Variants in SLC36A2 observed in about 807,000 individuals in gnomAD.
SLC36A2 encodes the protein solute carrier family 36 member 2.
A neutral mutation model predicts 42.7 loss-of-function variants in SLC36A2; 39 were observed. That is an observed-to-expected ratio of 0.91 (90% CI 0.71 to 1.19). The LOEUF (loss-of-function observed/expected upper bound fraction) is 1.19. SLC36A2 is among the 50% of genes most tolerant of loss of function. The probability of loss-of-function intolerance (pLI) is 0.00; values close to 1 mark genes in which losing one functional copy is unlikely to be tolerated. For synonymous variants in SLC36A2, 237 were observed against 240.8 expected (o/e 0.98, Z 0.15); for missense variants, 590 against 613.7 (o/e 0.96, Z 0.41).
intron 9 of SLC36A2, among the ~76,000 whole-genome samples, chr5:151,321,426 C>T (rs557283032): frequency 5.9e-5 from 9 of 151,278 alleles, no homozygotes; most frequent in African/African-American, 9.7e-5. Flanking sequence ...TCAAGCAATC[C>T]GCCTGCCTTG....
At chr5:151,347,225 A>G (rs1756520290) in intron 1 of SLC36A2, 72 bp downstream of exon 1, 1 of 1,580,280 alleles carries the variant, frequency 6.3e-7, no homozygotes, top group African/African-American at 1.3e-5. Flanking sequence ...AGACACACCC[A>G]CCTCAGGGTT....
At chr5:151,325,512 C>T in intron 7 of SLC36A2, 60 bp from the exon 8 acceptor site, 1 of 1,557,464 alleles carries the variant, frequency 6.4e-7, no homozygotes, top group Non-Finnish European at 8.8e-7. Flanking sequence ...AGAAAAATGG[C>T]ATTCCACTTC....
At chr5:151,334,693 A>G (rs1756096536) in intron 6 of SLC36A2, among the ~76,000 whole-genome samples, 1 of 152,230 alleles carries the variant, frequency 6.6e-6, no homozygotes, top group Admixed American at 6.5e-5. Flanking sequence ...TCTGTCTCAA[A>G]TAAATTAATA....
chr5:151,342,953 G>A lies in SLC36A2; in HGVS notation c.375C>T (p.Asp125=), dbSNP rs1398618573. The A allele has an allele frequency of 6.2e-7, 1 of 1,614,068 alleles. No homozygotes were observed. The highest frequency in any genetic ancestry group is 1.1e-5 in the South Asian group (1 of 91,080). Residue 125 remains aspartate, a synonymous_variant, in exon 4 of 10, where the codon GAC becomes GAT. Transcript: ENST00000335244. ...TGGCTTCTAGTCCATGCATCACCGT[G>A]TCCCCATAGTCCATAAAGGGCTTGT... ...RLNKPFMDYG[D]TVMHGLEANP... is the part of the protein sequence containing the mutation.
Position 151,322,184 on chromosome 5 carries a change from C to CA in SLC36A2, c.1041dup (p.Ala348CysfsTer177), listed in dbSNP as rs867068485. On this transcript the variant is annotated frameshift_variant, in exon 9 of 10. Transcript: ENST00000335244. LOFTEE classifies it high-confidence loss of function. Reference sequence around the variant, plus strand: ...AGGGCATAGGTGCACAGGATGCCGGCAATGTAGAGAAGCTTGACAGACTGG... The same window carrying CA: ...AGGGCATAGGTGCACAGGATGCCGGCAAATGTAGAGAAGCTTGACAGACTGG... 3 of 1,613,994 alleles carry CA rather than the reference C, an allele frequency of 1.9e-6. No individual in the cohort carries two copies. The highest frequency in any genetic ancestry group is 2.5e-6 in the Non-Finnish European group (3 of 1,180,004).
intron 9 of SLC36A2, chr5:151,319,062 C>A (rs938133721): frequency 2.9e-6 from 2 of 701,458 alleles, no homozygotes; most frequent in African/African-American, 3.9e-5. Context: ...CTTGTTTCCT[C>A]AGCTGCAAAA....
chr5:151,324,091 G>A (rs1034079060), intron 8 of SLC36A2, among the ~76,000 whole-genome samples: 1 of 152,192 alleles, frequency 6.6e-6, no homozygotes, highest in African/African-American at 2.4e-5. Flanking sequence ...CATGAATTGA[G>A]TATGCTAGAA....
intron 9 of SLC36A2, chr5:151,319,220 A>G (rs1487173373): frequency 4.6e-6 from 3 of 657,694 alleles, no homozygotes; most frequent in African/African-American, 2.0e-5. Flanking sequence ...CTAATTGACA[A>G]TGCATGAAGA....
chr5:151,319,056 T>C (rs1480408896), intron 9 of SLC36A2: 1 of 645,568 alleles, frequency 1.5e-6, no homozygotes, highest in East Asian at 1.4e-4. Flanking sequence ...CCTCAGCTTG[T>C]TTCCTCAGCT....
chr5:151,333,287 T>G lies in SLC36A2; in HGVS notation c.780A>C (p.Ala260=). ...IPDPSRLPLV[A]SWKTYPLFFG... ...AGAAGAGAGGGTAGGTCTTCCAGCT[T>G]GCTACCAGTGGCAACCGGCTGGGGT... Residue 260 remains alanine (A), a synonymous_variant, in exon 7 of 10, where the codon GCA becomes GCC. Transcript: ENST00000335244. The G allele has an allele frequency of 1.2e-6, 2 of 1,614,096 alleles. No homozygotes were observed. The highest frequency in any genetic ancestry group is 1.7e-6 in the Non-Finnish European group (2 of 1,179,960).
At chr5:151,340,123 GAGA>G (rs1388377857) in intron 4 of SLC36A2, among the ~76,000 whole-genome samples, 1 of 135,492 alleles carries the variant, frequency 7.4e-6, no homozygotes, top group Non-Finnish European at 1.5e-5. Context: ...AGAAGAGGAG[GAGA>G]AGGAGGAGGA....
Position 151,316,683 on chromosome 5 carries a change from T to G in SLC36A2, c.*134A>C, listed in dbSNP as rs1473701588. On this transcript the variant is annotated 3_prime_UTR_variant, in exon 10 of 10. Coordinates refer to ENST00000335244, the MANE Select transcript of SLC36A2 (RefSeq NM_181776.3). Reference sequence around the variant, plus strand: ...TGAACCCAGGAGGCCGAAGTTGTGGTGAGCTGAGATCGCATCATTGTACTC... The same window carrying G: ...TGAACCCAGGAGGCCGAAGTTGTGGGGAGCTGAGATCGCATCATTGTACTC... The G allele has an allele frequency of 3.5e-6, 4 of 1,134,274 alleles. No homozygotes were observed. Among genetic ancestry groups the G allele is most frequent in the Non-Finnish European group, 4.8e-6 (4 of 829,350 alleles). 70.3% of individuals were successfully genotyped at this position (1,134,274 alleles called of 1,614,324 possible).
intron 1 of SLC36A2, among the ~76,000 whole-genome samples, chr5:151,344,769 G>A (rs1756447488): frequency 6.6e-6 from 1 of 152,140 alleles, no homozygotes; most frequent in African/African-American, 2.4e-5. Context: ...CATAACTGAG[G>A]AAATGAAGGC....
intron 7 of SLC36A2, among the ~76,000 whole-genome samples, chr5:151,331,493 T>A (rs1388705150): frequency 1.3e-5 from 2 of 151,706 alleles, no homozygotes; most frequent in Non-Finnish European, 2.9e-5. Flanking sequence ...TTAAAAAATT[T>A]TTTTTTGCAG....
rs1213655274 is a variant in SLC36A2, at chr5:151,315,818, TA to T, written c.*998del. The T allele has an allele frequency of 6.6e-6, 1 of 152,220 alleles. No homozygotes were observed. The highest frequency in any genetic ancestry group is 2.4e-5 in the African/African-American group (1 of 41,462). 9.4% of individuals were successfully genotyped at this position (152,220 alleles called of 1,614,324 possible). On this transcript the variant is annotated 3_prime_UTR_variant, in exon 10 of 10. Transcript: ENST00000335244. ...AATCAAGAATGCATGTTGCAAGAAT[TA>T]AGAGGTAAAGTCTATTCAAATAATA...
chr5:151,316,648 G>A lies in SLC36A2; in HGVS notation c.*169C>T. The stretch of plus-strand genomic sequence containing the variant: ...CCAACTACTCGGGAGGCTGAGGCAG[G>A]AGAATCGCTTGAACCCAGGAGGCCG... On this transcript the variant is annotated 3_prime_UTR_variant, in exon 10 of 10. Transcript: ENST00000335244. The A allele has an allele frequency of 2.6e-6, 2 of 774,146 alleles. No individual in the cohort carries two copies. Among genetic ancestry groups the A allele is most frequent in the Non-Finnish European group, 3.9e-6 (2 of 506,514 alleles). 48.0% of individuals were successfully genotyped at this position (774,146 alleles called of 1,614,324 possible). A position where few individuals can be genotyped will look rare whatever the true frequency, so the allele number is the denominator to read the frequency against.
chr5:151,327,232 G>A lies in SLC36A2; in HGVS notation c.844-1780C>T, dbSNP rs561563847. ...GTGAAGACCGTAACTCTATGAAGTC[G>A]GTACCTCCATAATTCTTGTTTTACA... On this transcript the variant is annotated intron_variant, in intron 7 of 9. Coordinates refer to ENST00000335244, the MANE Select transcript of SLC36A2 (RefSeq NM_181776.3). Among the ~76,000 whole-genome samples, 9 of 152,120 alleles carry A rather than the reference G, an allele frequency of 5.9e-5. No homozygotes were observed. The East Asian group carries it at 1.2e-3, about 20-fold the overall frequency.
intron 3 of SLC36A2, 43 bp from the exon 4 acceptor site, chr5:151,343,026 G>C (rs1234146036): frequency 6.6e-7 from 1 of 1,509,084 alleles, no homozygotes; most frequent in East Asian, 2.3e-5. Context: ...AGATAGTTTA[G>C]CCTAAACTCA....
Position 151,347,469 on chromosome 5 carries a change from A to C in SLC36A2, c.-9T>G. The C allele has an allele frequency of 6.2e-7, 1 of 1,613,614 alleles. No homozygotes were observed. The highest frequency in any genetic ancestry group is 8.5e-7 in the Non-Finnish European group (1 of 1,180,002). ...CTTTTTGTCACAGACATGACTGCTT[A>C]AGAAACAAGGAGCTCGGGGTGACAA... On this transcript the variant is annotated 5_prime_UTR_variant, in exon 1 of 10. Transcript: ENST00000335244.
Sources: gnomAD v4.1 joint callset for allele counts (sites outside exome capture counted in the v4.1 genomes callset) on GRCh38, gnomAD v4.1.1 for gene constraint, MANE v1.5 for transcripts, NCBI Gene and HGNC (gene_info 2026-07-23, HGNC 2026-07-21) for gene names.